The following TMEM131 variants were observed in gnomAD, a reference collection of about 807,000 sequenced individuals.
TMEM131 encodes transmembrane protein 131.
TMEM131 carries 66 observed loss-of-function variants against 211.6 expected under a neutral mutation model. The ratio of observed to expected loss-of-function variants is 0.31; its 90% confidence interval spans 0.26 to 0.38. The LOEUF (loss-of-function observed/expected upper bound fraction) is 0.38, where lower values mean the gene tolerates loss of function less well. Ranked by LOEUF, TMEM131 falls within the 10% of genes least tolerant of loss-of-function variation. TMEM131 has a pLI of 1.00. For synonymous variants in TMEM131, 844 were observed against 841.3 expected (o/e 1.00, Z -0.06); for missense variants, 2,036 against 2,299.3 (o/e 0.89, Z 2.34).
intron 2 of TMEM131, among the ~76,000 whole-genome samples, chr2:97,922,156 C>T (rs186874089): frequency 2.2e-4 from 34 of 152,256 alleles, no homozygotes; most frequent in African/African-American, 6.7e-4. Context: ...CTAAGGCACG[C>T]GCACAACCTA....
intron 31 of TMEM131, among the ~76,000 whole-genome samples, chr2:97,779,352 C>T (rs557352189): frequency 2.0e-5 from 3 of 152,324 alleles, no homozygotes; most frequent in South Asian, 2.1e-4. Context: ...ACTGGATGGC[C>T]GACGTCTAGC....
intron 29 of TMEM131, among the ~76,000 whole-genome samples, chr2:97,793,955 C>CT (rs1372097907): frequency 1.7e-5 from 2 of 116,902 alleles, no homozygotes; most frequent in African/African-American, 6.6e-5. Context: ...GATCGTGCCA[C>CT]TGCACTCCAG....
chr2:97,994,864 T>C (rs747654207), intron 1 of TMEM131, among the ~76,000 whole-genome samples: 6 of 152,204 alleles, frequency 3.9e-5, no homozygotes, highest in Non-Finnish European at 8.8e-5. Flanking sequence ...TTTAAAGGCT[T>C]TCACATCAAA....
At chr2:97,916,637 AAAAT>A (rs1676519460) in intron 2 of TMEM131, among the ~76,000 whole-genome samples, 2 of 152,226 alleles carry the variant, frequency 1.3e-5, no homozygotes, top group Non-Finnish European at 2.9e-5. Flanking sequence ...TGCAGAGAGA[AAAAT>A]AACTGAAAAA....
At position 97,844,834 on chromosome 2, in the gene TMEM131, C is replaced by T. The variant is rs563911188; in HGVS notation, c.484-573G>A. Among the ~76,000 whole-genome samples, 14 of 152,250 alleles carry T rather than the reference C, an allele frequency of 9.2e-5. No homozygotes were observed. In the South Asian group the frequency reaches 2.9e-3, roughly 32 times the overall value. The stretch of plus-strand genomic sequence containing the variant: ...ATGTTATTACCACAAAACAATAGGG[C>T]TACTCCCATGTTCAAGAGACTGAAA... On this transcript the variant is annotated intron_variant, in intron 5 of 40. Coordinates refer to ENST00000186436, the MANE Select transcript of TMEM131 (RefSeq NM_015348.2).
intron 1 of TMEM131, among the ~76,000 whole-genome samples, chr2:97,985,388 T>C (rs1168079094): frequency 6.6e-6 from 1 of 151,840 alleles, no homozygotes; most frequent in African/African-American, 2.4e-5. Context: ...CACACAGACT[T>C]AGGAGAAAGA....
In TMEM131 at chr2:97,802,494, TAGAC is replaced by T; in HGVS notation, c.2581_2584del (p.Val861MetfsTer17). ...TAAAGCCAGAGGAATAAACTGAACATAGACAGGAACATCTGCAGGATTTTCTAAA... is the reference window on the plus strand; with the variant it reads ...TAAAGCCAGAGGAATAAACTGAACATAGGAACATCTGCAGGATTTTCTAAA... On this transcript the variant is annotated frameshift_variant, in exon 24 of 41. Coordinates refer to ENST00000186436, the MANE Select transcript of TMEM131 (RefSeq NM_015348.2). LOFTEE classifies it high-confidence loss of function. The T allele has an allele frequency of 6.2e-7, 1 of 1,612,506 alleles. No individual in the cohort carries two copies. Among genetic ancestry groups the T allele is most frequent in the Non-Finnish European group, 8.5e-7 (1 of 1,179,404 alleles).
At chr2:97,815,726 G>A (rs768250013) in intron 12 of TMEM131, among the ~76,000 whole-genome samples, 1 of 152,098 alleles carries the variant, frequency 6.6e-6, no homozygotes, top group Non-Finnish European at 1.5e-5. Context: ...CTTGCTAGAC[G>A]GCAGTAGCAT....
rs1678514065 is a variant in TMEM131, at chr2:97,756,916, T to C, written c.*183A>G. The C allele has an allele frequency of 4.7e-6, 3 of 641,350 alleles. No individual in the cohort carries two copies. Among genetic ancestry groups the C allele is most frequent in the Non-Finnish European group, 7.3e-6 (3 of 408,566 alleles). 39.7% of individuals were successfully genotyped at this position (641,350 alleles called of 1,614,324 possible). A position where few individuals can be genotyped will look rare whatever the true frequency, so the allele number is the denominator to read the frequency against. ...AAGCACAACAGCAAATCTCATGTTATCATAATTGCAAGAAAGATCTGAAAG... is the reference window on the plus strand; with the variant it reads ...AAGCACAACAGCAAATCTCATGTTACCATAATTGCAAGAAAGATCTGAAAG... On this transcript the variant is annotated 3_prime_UTR_variant, in exon 41 of 41. Transcript: ENST00000186436.
At chr2:97,993,603 T>C (rs758184050) in intron 1 of TMEM131, among the ~76,000 whole-genome samples, 6 of 152,162 alleles carry the variant, frequency 3.9e-5, no homozygotes, top group Non-Finnish European at 7.3e-5. Flanking sequence ...CACACACAAA[T>C]TGTTCATACA....
Position 97,757,169 on chromosome 2 carries a change from A to G in TMEM131, c.5582T>C (p.Ile1861Thr). The part of the protein sequence containing the change: ...DLGQTYNPWR[I>T]WSPTIGRRSS... ...TCTTCTTCCAATCGTGGGGCTCCAT[A>G]TCCGCCACGGGTTGTAGGTCTGTCC... Residue 1861 changes from isoleucine (I) to threonine (T), a missense_variant, in exon 41 of 41, where the codon ATA becomes ACA. By Grantham distance (89) the Ile-to-Thr change is moderately conservative (BLOSUM62 -1). Around this residue, in one of 3 missense-constraint regions of TMEM131, gnomAD observed 1,623 missense variants for 1,805.9 expected, o/e 0.90. Coordinates refer to ENST00000186436, the MANE Select transcript of TMEM131 (RefSeq NM_015348.2). 3.1e-6 allele frequency: 5 copies of G among 1,613,846 alleles called. No individual in the cohort carries two copies. Among genetic ancestry groups the G allele is most frequent in the Non-Finnish European group, 4.2e-6 (5 of 1,179,772 alleles).
In TMEM131 at chr2:97,766,185, C is replaced by T; in HGVS notation, c.4652G>A (p.Ser1551Asn). ...AGAGTCTTTTTCACCCTCTGAGCTA[C>T]TGGTGTTGCCTAATTCTTGACTATT... is the stretch of plus-strand genomic sequence containing the variant. Reference protein sequence around the residue: ...LPNSQELGNTSSSEGEKDSPP... With the variant: ...LPNSQELGNTNSSEGEKDSPP... The change falls in exon 35 of 41, where the codon AGT (serine) becomes AAT (asparagine). Residue 1551 changes from serine to asparagine, a missense_variant. By Grantham distance (46) the Ser-to-Asn change is conservative. Around this residue, in one of 3 missense-constraint regions of TMEM131, gnomAD observed 1,623 missense variants for 1,805.9 expected, o/e 0.90. Coordinates refer to ENST00000186436, the MANE Select transcript of TMEM131 (RefSeq NM_015348.2). The T allele has an allele frequency of 6.2e-7, 1 of 1,614,078 alleles. No homozygotes were observed. Among genetic ancestry groups the T allele is most frequent in the Non-Finnish European group, 8.5e-7 (1 of 1,179,910 alleles).
chr2:97,978,991 T>C (rs1002610065), intron 1 of TMEM131, among the ~76,000 whole-genome samples: 1 of 152,212 alleles, frequency 6.6e-6, no homozygotes, highest in African/African-American at 2.4e-5. Flanking sequence ...GGCTGCAGAA[T>C]GGATGCTGTG....
At position 97,995,712 on chromosome 2, in the gene TMEM131, G is replaced by C. The variant is rs1680480976; in HGVS notation, c.-50C>G. On this transcript the variant is annotated 5_prime_UTR_variant, in exon 1 of 41. Transcript: ENST00000186436. Reference sequence around the variant, plus strand: ...CTCGAGGTCCGGCGCGGCCCTTCTCGGCGAGGCGGCGGCGGCGCGGAAGCC... The same window carrying C: ...CTCGAGGTCCGGCGCGGCCCTTCTCCGCGAGGCGGCGGCGGCGCGGAAGCC... 2.6e-6 allele frequency: 3 copies of C among 1,160,684 alleles called. No homozygotes were observed. The highest frequency in any genetic ancestry group is 4.6e-5 in the Admixed American group (1 of 21,624). The allele number at this position is 1,160,684 out of a possible 1,614,324, so 71.9% of individuals were successfully genotyped here.
intron 12 of TMEM131, 70 bp downstream of exon 12, chr2:97,818,543 G>A (rs1259358765): frequency 2.2e-5 from 21 of 975,326 alleles, no homozygotes; most frequent in East Asian, 5.4e-5. Context: ...ATATTAAGAC[G>A]TTAATACAGA....
At chr2:97,973,578 TAC>T (rs1679399868) in intron 1 of TMEM131, among the ~76,000 whole-genome samples, 1 of 152,140 alleles carries the variant, frequency 6.6e-6, no homozygotes, top group African/African-American at 2.4e-5. Flanking sequence ...CCTGGAGAAC[TAC>T]AGAGGGTCCC....
At chr2:97,956,707 A>G (rs1469108653) in intron 1 of TMEM131, among the ~76,000 whole-genome samples, 1 of 152,078 alleles carries the variant, frequency 6.6e-6, no homozygotes, top group African/African-American at 2.4e-5. Flanking sequence ...TTTTACTACT[A>G]AACATGACTT....
chr2:97,782,712 G>A (rs927421807), intron 31 of TMEM131, among the ~76,000 whole-genome samples: 1 of 152,096 alleles, frequency 6.6e-6, no homozygotes, highest in African/African-American at 2.4e-5. Flanking sequence ...AAAGCTCACT[G>A]CATGGGCTCA....
At chr2:97,838,426 CTTTTTTTT>C (rs753635047) in intron 7 of TMEM131, among the ~76,000 whole-genome samples, 18 of 89,090 alleles carry the variant, frequency 2.0e-4, no homozygotes, top group African/African-American at 6.8e-4. Context: ...TAAGCTTAAA[CTTTTTTTT>C]TTTTTTTTTT....
Sources: allele counts gnomAD v4.1 joint callset (sites outside exome capture counted in the v4.1 genomes callset), GRCh38; gene constraint gnomAD v4.1.1; regional missense constraint gnomAD v4.1.1; transcripts MANE v1.5; gene names NCBI Gene and HGNC (gene_info 2026-07-23, HGNC 2026-07-21).